Variants in ASIP observed in about 807,000 individuals in gnomAD.
The protein encoded by ASIP is agouti-signaling protein.
A neutral mutation model predicts 10.3 loss-of-function variants in ASIP; 11 were observed. That is an observed-to-expected ratio of 1.07 (90% confidence interval 0.68 to 1.78). ASIP has a LOEUF of 1.78. Ranked by LOEUF, ASIP falls within the 40% of genes most tolerant of loss-of-function variation. The probability of loss-of-function intolerance (pLI) is 0.00; values close to 1 mark genes in which losing one functional copy is unlikely to be tolerated. For synonymous variants in ASIP, 70 were observed against 70.8 expected (o/e 0.99, Z 0.06); for missense variants, 180 against 169.2 (o/e 1.06, Z -0.35).
chr20:34,250,737 C>T (rs2035460988), intron 1 of ASIP, among the ~76,000 whole-genome samples: 1 of 152,120 alleles, frequency 6.6e-6, no homozygotes, highest in African/African-American at 2.4e-5. Context: ...GTGGAGGTGC[C>T]TTTGCCTCTT....
intron 1 of ASIP, among the ~76,000 whole-genome samples, chr20:34,244,612 T>G (rs2035339256): frequency 6.6e-6 from 1 of 152,236 alleles, no homozygotes; most frequent in Non-Finnish European, 1.5e-5. Flanking sequence ...ACATTTGCAA[T>G]TTTTCATTAT....
At chr20:34,204,515 G>A (rs1324008242) in intron 1 of ASIP, among the ~76,000 whole-genome samples, 2 of 152,110 alleles carry the variant, frequency 1.3e-5, no homozygotes, top group African/African-American at 4.8e-5. Context: ...CACTGCTCCT[G>A]GCCCGTTTTT....
At chr20:34,223,656 C>T (rs1601578949) in intron 1 of ASIP, among the ~76,000 whole-genome samples, 2 of 147,192 alleles carry the variant, frequency 1.4e-5, no homozygotes, top group Admixed American at 6.7e-5. Flanking sequence ...CGCCTCTGCC[C>T]GGCCGCCCCT....
chr20:34,239,414 A>AC (rs1329624942), upstream of ASIP, among the ~76,000 whole-genome samples: 1 of 152,094 alleles, frequency 6.6e-6, no homozygotes, highest in Admixed American at 6.6e-5. Context: ...ACGGGGTATC[A>AC]CCATGTTGGC....
At chr20:34,261,306 C>A (rs757077046) in intron 2 of ASIP, among the ~76,000 whole-genome samples, 1 of 152,106 alleles carries the variant, frequency 6.6e-6, no homozygotes, top group South Asian at 2.1e-4. Context: ...CAAGACCAGA[C>A]TGAGCGACAT....
upstream of ASIP, among the ~76,000 whole-genome samples, chr20:34,239,811 C>G (rs1255294851): frequency 6.6e-6 from 1 of 152,138 alleles, no homozygotes; most frequent in Non-Finnish European, 1.5e-5. Flanking sequence ...TGTGCCATCC[C>G]CTATCCCACT....
intron 1 of ASIP, among the ~76,000 whole-genome samples, chr20:34,226,982 A>G (rs1277080922): frequency 6.6e-6 from 1 of 152,206 alleles, no homozygotes; most frequent in Non-Finnish European, 1.5e-5. Flanking sequence ...TCTCTACTGG[A>G]CATTCCAGTT....
chr20:34,202,969 C>T (rs997091801), intron 1 of ASIP, among the ~76,000 whole-genome samples: 1 of 151,758 alleles, frequency 6.6e-6, no homozygotes, highest in Non-Finnish European at 1.5e-5. Flanking sequence ...CCACTACGCC[C>T]GGCTAATTTT....
At chr20:34,226,094 A>G (rs981693115) in intron 1 of ASIP, among the ~76,000 whole-genome samples, 4 of 151,878 alleles carry the variant, frequency 2.6e-5, no homozygotes, top group African/African-American at 9.7e-5. Flanking sequence ...GGGTTTCACC[A>G]TGTTGGGCAG....
intron 1 of ASIP, among the ~76,000 whole-genome samples, chr20:34,218,234 T>A (rs2035022486): frequency 6.6e-6 from 1 of 152,154 alleles, no homozygotes; most frequent in African/African-American, 2.4e-5. Flanking sequence ...AATTGGGAAA[T>A]TGCGAGCATG....
intron 1 of ASIP, among the ~76,000 whole-genome samples, chr20:34,242,176 G>T (rs1568759493): frequency 6.7e-6 from 1 of 149,878 alleles, no homozygotes; most frequent in Non-Finnish European, 1.5e-5. Flanking sequence ...AGTCATTTTT[G>T]GTTTCCTTTT....
chr20:34,201,947 T>G (rs2034902715), intron 1 of ASIP, among the ~76,000 whole-genome samples: 1 of 152,218 alleles, frequency 6.6e-6, no homozygotes, highest in African/African-American at 2.4e-5. Context: ...TCCAATGGAA[T>G]TCAAATTCAC....
At chr20:34,261,671 G>A (rs1215374433) in intron 2 of ASIP, among the ~76,000 whole-genome samples, 2 of 151,446 alleles carry the variant, frequency 1.3e-5, no homozygotes, top group East Asian at 3.9e-4. Context: ...GAATGGTGGT[G>A]CATGCCTATG....
chr20:34,233,559 G>A (rs2035140468), intron 1 of ASIP, among the ~76,000 whole-genome samples: 1 of 152,172 alleles, frequency 6.6e-6, no homozygotes, highest in African/African-American at 2.4e-5. Context: ...CTTCCAAAGG[G>A]TGAATTTTAT....
chr20:34,250,488 T>C (rs1312708756), intron 1 of ASIP, among the ~76,000 whole-genome samples: 1 of 152,106 alleles, frequency 6.6e-6, no homozygotes, highest in Admixed American at 6.5e-5. Flanking sequence ...GGCAACACAG[T>C]GAGATCACAT....
intron 3 of ASIP, among the ~76,000 whole-genome samples, chr20:34,264,962 A>G (rs2035759566): frequency 1.3e-5 from 2 of 151,576 alleles, no homozygotes; most frequent in Admixed American, 1.3e-4. Context: ...TGCCTGGCAG[A>G]TTTTTGTATT....
At chr20:34,241,117 A>C (rs2035278519), upstream of ASIP, among the ~76,000 whole-genome samples, 1 of 152,170 alleles carries the variant, frequency 6.6e-6, no homozygotes, top group Admixed American at 6.6e-5. Context: ...AAATAGGAGG[A>C]AACAATTTTC....
At chr20:34,190,778 G>C (rs1244741905), upstream of ASIP, among the ~76,000 whole-genome samples, 1 of 152,190 alleles carries the variant, frequency 6.6e-6, no homozygotes, top group East Asian at 1.9e-4. Context: ...TGGCCACCGG[G>C]AGGCAGTGCA....
At chr20:34,260,283 C>T in intron 1 of ASIP, 82 bp from the exon 2 acceptor site, 2 of 1,427,516 alleles carry the variant, frequency 1.4e-6, no homozygotes. Flanking sequence ...AACACCAGCC[C>T]AAAGAAGCAC....
Sources: allele counts gnomAD v4.1 joint callset (sites outside exome capture counted in the v4.1 genomes callset), GRCh38; gene constraint gnomAD v4.1.1; transcripts MANE v1.5; gene names NCBI Gene and HGNC (gene_info 2026-07-23, HGNC 2026-07-21).